The following CCN3 variants were observed in gnomAD, a reference collection of about 807,000 sequenced individuals.
The protein encoded by CCN3 is CCN family member 3.
A neutral mutation model predicts 33.4 loss-of-function variants in CCN3; 20 were observed. The ratio of observed to expected loss-of-function variants is 0.60; its 90% CI spans 0.42 to 0.87. The LOEUF (loss-of-function observed/expected upper bound fraction) is 0.87, where lower values mean the gene tolerates loss of function less well. Ranked by LOEUF, CCN3 falls within the 40% of genes least tolerant of loss-of-function variation. The probability of loss-of-function intolerance (pLI) is 0.00; values close to 1 mark genes in which losing one functional copy is unlikely to be tolerated. For missense variants in CCN3, 465 were observed against 455.3 expected, an observed-to-expected ratio of 1.02 and a Z score of -0.19; for synonymous variants, 205 against 170.4, an observed-to-expected ratio of 1.20 and a Z score of -1.58.
Position 119,416,563 on chromosome 8 carries a change from C to A in CCN3, c.31C>A (p.Leu11Ile). The change falls in exon 1 of 5, where the codon CTC (leucine) becomes ATC (isoleucine). Residue 11 changes from leucine to isoleucine, a missense_variant. Coordinates refer to ENST00000259526, the MANE Select transcript of CCN3 (RefSeq NM_002514.4). MQSVQSTSFC[L>I]RKQCLCLTFL... ...GAGTGTGCAGAGCACGAGCTTTTGT[C>A]TCCGAAAGCAGTGCCTTTGCCTGAC... 1 of 1,614,034 alleles carries A rather than the reference C, an allele frequency of 6.2e-7. No homozygotes were observed. The highest frequency in any genetic ancestry group is 8.5e-7 in the Non-Finnish European group (1 of 1,179,994).
intron 3 of CCN3, among the ~76,000 whole-genome samples, chr8:119,418,572 C>T (rs1820083996): frequency 4.6e-5 from 7 of 152,176 alleles, no homozygotes; most frequent in Admixed American, 4.6e-4. Context: ...TTATTTTTGT[C>T]TTATTGGATG....
chr8:119,418,633 A>G (rs1439490390), intron 3 of CCN3, among the ~76,000 whole-genome samples: 1 of 152,150 alleles, frequency 6.6e-6, no homozygotes, highest in East Asian at 1.9e-4. Context: ...TAGCACTACA[A>G]AGACAAAATT....
intron 4 of CCN3, among the ~76,000 whole-genome samples, chr8:119,421,896 A>G (rs1820128047): frequency 6.6e-6 from 1 of 152,218 alleles, no homozygotes; most frequent in South Asian, 2.1e-4. Context: ...AACACTGTTA[A>G]TAAGGTTGAG....
rs1194488765 is a variant in CCN3 at position 119,423,275 on chromosome 8, T to C, written c.*143T>C. 1.4e-6 allele frequency: 1 copy of C among 729,200 alleles called. No individual in the cohort carries two copies. The highest frequency in any genetic ancestry group is 2.2e-6 in the Non-Finnish European group (1 of 460,392). 45.2% of individuals were successfully genotyped at this position (729,200 alleles called of 1,614,324 possible). On this transcript the variant is annotated 3_prime_UTR_variant, in exon 5 of 5. Transcript: ENST00000259526. ...TCCTAATGTGATCATATGAGGACCT[T>C]TATATCTGTCTTTTATTTAACAAAA... is the stretch of plus-strand genomic sequence containing the variant.
rs764346492 is a variant in CCN3, at chr8:119,416,706, C to A, written c.85-38C>A. The stretch of plus-strand genomic sequence containing the variant: ...CACCGGGCTCACTGCGTCTTCTGTC[C>A]CAGCTGAGTGGTTTCTCCTTGTCTC... On this transcript the variant is annotated intron_variant, in intron 1 of 4. Transcript: ENST00000259526. 1.9e-6 allele frequency: 3 copies of A among 1,576,088 alleles called. No individual in the cohort carries two copies. The Admixed American group carries it at 5.5e-5, about 29-fold the overall frequency.
At chr8:119,421,368 A>G (rs1369299670) in intron 4 of CCN3, among the ~76,000 whole-genome samples, 1 of 152,168 alleles carries the variant, frequency 6.6e-6, no homozygotes, top group Non-Finnish European at 1.5e-5. Flanking sequence ...AGTTGTTAAA[A>G]TGTAAATTTG....
intron 4 of CCN3, among the ~76,000 whole-genome samples, chr8:119,421,255 C>A (rs181693452): frequency 0.014 from 2,137 of 152,106 alleles, 41 homozygotes; most frequent in African/African-American, 0.048. Flanking sequence ...GTGATCTGCC[C>A]GCCTCGGCCT....
chr8:119,423,235 G>C lies in CCN3; in HGVS notation c.*103G>C. 8.7e-7 allele frequency: 1 copy of C among 1,147,798 alleles called. No individual in the cohort carries two copies. The highest frequency in any genetic ancestry group is 1.2e-6 in the Non-Finnish European group (1 of 800,734). 71.1% of individuals were successfully genotyped at this position (1,147,798 alleles called of 1,614,324 possible). A position where few individuals can be genotyped will look rare whatever the true frequency, so the allele number is the denominator to read the frequency against. On this transcript the variant is annotated 3_prime_UTR_variant, in exon 5 of 5. Coordinates refer to ENST00000259526, the MANE Select transcript of CCN3 (RefSeq NM_002514.4). ...AATGAAGAATCACGATTTCATCCTT[G>C]AATCCTATGTATTTTCCTAATGTGA...
chr8:119,419,078 T>G, intron 3 of CCN3, 53 bp from the exon 4 acceptor site: 1 of 1,466,710 alleles, frequency 6.8e-7, no homozygotes, highest in Non-Finnish European at 9.5e-7. Flanking sequence ...AGGACCACTT[T>G]CCAATCCTCA....
At position 119,418,187 on chromosome 8, in the gene CCN3, A is replaced by T. The variant is rs1275626768; in HGVS notation, c.440A>T (p.Asp147Val). The T allele has an allele frequency of 6.2e-7, 1 of 1,614,224 alleles. No individual in the cohort carries two copies. The highest frequency in any genetic ancestry group is 1.1e-5 in the South Asian group (1 of 91,082). Reference protein sequence around the residue: ...QIGCVPRCQLDVLLPEPNCPA... With the variant: ...QIGCVPRCQLVVLLPEPNCPA... ...GGCTGTGTGCCCCGCTGTCAGCTGG[A>T]TGTGCTACTGCCTGAGCCTAACTGC... Residue 147 changes from aspartate to valine, a missense_variant, in exon 3 of 5, where the codon GAT becomes GTT. Transcript: ENST00000259526.
In CCN3 at chr8:119,418,059, G is replaced by A. The variant is rs557684887; in HGVS notation, c.312G>A (p.Ala104=). The change falls in exon 3 of 5, where the codon GCG becomes GCA. Residue 104 remains alanine (A), a splice_region_variant and synonymous_variant. Transcript: ENST00000259526. The part of the protein sequence containing the change: ...DPSNQTGICT[A]VEGDNCVFDG... Reference sequence around the variant, plus strand: ...CACTTTGCTTCCCCAATATTCTAGCGGTAGAGGGAGATAACTGTGTGTTCG... The same window carrying A: ...CACTTTGCTTCCCCAATATTCTAGCAGTAGAGGGAGATAACTGTGTGTTCG... The A allele has an allele frequency of 3.0e-5, 49 of 1,609,892 alleles. No individual in the cohort carries two copies. Among genetic ancestry groups the A allele is most frequent in the Admixed American group, 6.7e-5 (4 of 59,972 alleles).
chr8:119,422,689 A>G lies in CCN3; in HGVS notation c.778-147A>G, dbSNP rs914717629. The G allele has an allele frequency of 3.4e-5, 24 of 711,160 alleles. No individual in the cohort carries two copies. The African/African-American group carries it at 3.9e-4, about 12-fold the overall frequency. The allele number at this position is 711,160 out of a possible 1,614,324, so 44.1% of individuals were successfully genotyped here. A position where few individuals can be genotyped will look rare whatever the true frequency, so the allele number is the denominator to read the frequency against. On this transcript the variant is annotated intron_variant, in intron 4 of 4. Transcript: ENST00000259526. Reference sequence around the variant, plus strand: ...GAAGCAAATACTTTTAGCTGACTACATTGCTCAAGCAAAATTAATGTTCTG... The same window carrying G: ...GAAGCAAATACTTTTAGCTGACTACGTTGCTCAAGCAAAATTAATGTTCTG...
Position 119,422,847 on chromosome 8 carries a change from G to C in CCN3, c.789G>C (p.Lys263Asn). Residue 263 changes from lysine (K) to asparagine (N), a missense_variant, in exon 5 of 5, where the codon AAG (lysine) becomes AAC (asparagine). Lys to Asn is a moderately conservative substitution (Grantham distance 94). Transcript: ENST00000259526. The part of the protein sequence containing the change: ...PEQPTDKKGK[K>N]CLRTKKSLKA... ...TTTTTCTTTCTTAGAAAGGAAAAAA[G>C]TGTCTCCGCACCAAGAAGTCACTCA... is the stretch of plus-strand genomic sequence containing the variant. 1 of 1,599,236 alleles carries C rather than the reference G, an allele frequency of 6.3e-7. No homozygotes were observed. Among genetic ancestry groups the C allele is most frequent in the Non-Finnish European group, 8.5e-7 (1 of 1,171,328 alleles).
chr8:119,416,810 GC>G lies in CCN3; in HGVS notation c.156del (p.Val54CysfsTer52). 1 of 1,606,568 alleles carries G rather than the reference GC, an allele frequency of 6.2e-7. No individual in the cohort carries two copies. The highest frequency in any genetic ancestry group is 8.5e-7 in the Non-Finnish European group (1 of 1,176,898). On this transcript the variant is annotated frameshift_variant, in exon 2 of 5. Transcript: ENST00000259526. LOFTEE classifies it high-confidence loss of function. ...GRCPATPPTC[A>X]PGVRAVLDGC... ...GTGCCCTGCGACGCCGCCGACCTGCGCCCCCGGGGTGCGCGCGGTGCTGGAC... is the reference window on the plus strand; with the variant it reads ...GTGCCCTGCGACGCCGCCGACCTGCGCCCCGGGGTGCGCGCGGTGCTGGAC...
chr8:119,422,041 T>C (rs778349314), intron 4 of CCN3, among the ~76,000 whole-genome samples: 7 of 152,166 alleles, frequency 4.6e-5, no homozygotes, highest in Non-Finnish European at 1.0e-4. Flanking sequence ...AAAGAAAAGA[T>C]GTGTAATTGC....
chr8:119,419,007 G>T (rs1291423277), intron 3 of CCN3, 124 bp from the exon 4 acceptor site: 21 of 659,744 alleles, frequency 3.2e-5, no homozygotes, highest in Non-Finnish European at 5.3e-5. Context: ...TGTGTCCTGG[G>T]AGCATGGGTG....
At chr8:119,419,497 C>A in intron 4 of CCN3, 152 bp downstream of exon 4, 1 of 679,140 alleles carries the variant, frequency 1.5e-6, no homozygotes, top group South Asian at 1.9e-5. Context: ...GTTCTTGAAG[C>A]CAGCCTATCT....
Position 119,424,352 on chromosome 8 carries a change from G to C in CCN3, c.*1220G>C, listed in dbSNP as rs1820166407. The C allele has an allele frequency of 6.6e-6, 1 of 152,074 alleles. No homozygotes were observed. Among genetic ancestry groups the C allele is most frequent in the South Asian group, 2.1e-4 (1 of 4,818 alleles). The allele number at this position is 152,074 out of a possible 1,614,324, so 9.4% of individuals were successfully genotyped here. On this transcript the variant is annotated 3_prime_UTR_variant, in exon 5 of 5. Transcript: ENST00000259526. ...ATCACTAAATAAACACGATTTTATT[G>C]CTGCGTGACTCTGTATTACTTTGGT... is the stretch of plus-strand genomic sequence containing the variant.
At chr8:119,421,456 C>T (rs76229352) in intron 4 of CCN3, among the ~76,000 whole-genome samples, 6,651 of 152,242 alleles carry the variant, frequency 0.044, 311 homozygotes, top group African/African-American at 0.11. Flanking sequence ...AAGAAATCCT[C>T]TAGATGATTT....
Sources: allele counts gnomAD v4.1 joint callset (sites outside exome capture counted in the v4.1 genomes callset), GRCh38; gene constraint gnomAD v4.1.1; transcripts MANE v1.5; gene names NCBI Gene and HGNC (gene_info 2026-07-23, HGNC 2026-07-21).